The following SYNDIG1 variants were observed in gnomAD, a reference collection of about 807,000 sequenced individuals.
The protein encoded by SYNDIG1 is synapse differentiation inducing 1.
A neutral mutation model predicts 19.4 loss-of-function variants in SYNDIG1; 9 were observed. That is an observed-to-expected ratio of 0.46 (90% CI 0.28 to 0.81). The LOEUF (loss-of-function observed/expected upper bound fraction) is 0.81. Ranked by LOEUF, SYNDIG1 falls within the 30% of genes least tolerant of loss-of-function variation. The probability of loss-of-function intolerance (pLI) is 0.12; values close to 1 mark genes in which losing one functional copy is unlikely to be tolerated. For missense variants in SYNDIG1, 311 were observed against 343.3 expected (o/e 0.91, Z 0.74); for synonymous variants, 141 against 145.9 (o/e 0.97, Z 0.24).
chr20:24,474,156 C>A (rs1375325069), intron 1 of SYNDIG1, among the ~76,000 whole-genome samples: 2 of 152,188 alleles, frequency 1.3e-5, no homozygotes, highest in Non-Finnish European at 2.9e-5. Context: ...AAATTAGATT[C>A]ATATTATGTT....
Position 24,623,611 on chromosome 20 carries a change from C to T in SYNDIG1, c.618+38618C>T, listed in dbSNP as rs151165067. 1.7e-3 allele frequency among the ~76,000 whole-genome samples: 261 copies of T among 152,258 alleles called. 2 individuals are homozygous for T. The highest frequency in any genetic ancestry group is 6.1e-3 in the African/African-American group (254 of 41,534). ...CATGTGTTCAAGTGAAAAACGAAAACAGCATCCCAAGAAATGAGAAGGGCA... is the reference window on the plus strand; with the variant it reads ...CATGTGTTCAAGTGAAAAACGAAAATAGCATCCCAAGAAATGAGAAGGGCA... On this transcript the variant is annotated intron_variant, in intron 3 of 3. Coordinates refer to ENST00000376862, the MANE Select transcript of SYNDIG1 (RefSeq NM_024893.3).
chr20:24,593,629 G>A (rs1347448762), intron 3 of SYNDIG1, among the ~76,000 whole-genome samples: 1 of 152,140 alleles, frequency 6.6e-6, no homozygotes, highest in Non-Finnish European at 1.5e-5. Flanking sequence ...TTTCTAAAAT[G>A]GCTGAACTAA....
chr20:24,490,935 G>A (rs765929847), intron 1 of SYNDIG1, among the ~76,000 whole-genome samples: 1 of 152,202 alleles, frequency 6.6e-6, no homozygotes, highest in South Asian at 2.1e-4. Flanking sequence ...AGAAGGCCTG[G>A]GCCAACATTT....
intron 2 of SYNDIG1, among the ~76,000 whole-genome samples, chr20:24,554,658 T>C (rs1290324683): frequency 6.6e-6 from 1 of 152,134 alleles, no homozygotes; most frequent in Non-Finnish European, 1.5e-5. Flanking sequence ...TGAAGCCCAC[T>C]TGATCATGGT....
intron 2 of SYNDIG1, among the ~76,000 whole-genome samples, chr20:24,564,391 T>C (rs6076239): frequency 0.88 from 134,058 of 152,216 alleles, 59,409 homozygotes; most frequent in African/African-American, 0.97. Context: ...CTCTAGCAAA[T>C]GATTTCACAG....
At chr20:24,475,655 A>G (rs2055598616) in intron 1 of SYNDIG1, among the ~76,000 whole-genome samples, 1 of 152,198 alleles carries the variant, frequency 6.6e-6, no homozygotes, top group South Asian at 2.1e-4. Flanking sequence ...CTCCCATGGA[A>G]ACCCTGTATT....
At chr20:24,652,974 T>C (rs2147373817) in intron 3 of SYNDIG1, among the ~76,000 whole-genome samples, 1 of 152,286 alleles carries the variant, frequency 6.6e-6, no homozygotes, top group East Asian at 1.9e-4. Flanking sequence ...ATGGCACTTC[T>C]GGGATCACCT....
At chr20:24,495,674 C>G (rs898268256) in intron 1 of SYNDIG1, 2 of 152,200 alleles carry the variant, frequency 1.3e-5, no homozygotes, top group Non-Finnish European at 2.9e-5. Context: ...AGTCCTAGGG[C>G]TAGGACTTCA....
chr20:24,649,795 G>T (rs1316755779), intron 3 of SYNDIG1, among the ~76,000 whole-genome samples: 1 of 152,182 alleles, frequency 6.6e-6, no homozygotes, highest in African/African-American at 2.4e-5. Context: ...GGTCACCCAT[G>T]TCATCCCAGT....
rs1259019089 is a variant in SYNDIG1 at position 24,503,509 on chromosome 20, C to G, written c.-79+33756C>G. Reference sequence around the variant, plus strand: ...ATAGACCAGGGGCTCAGGAGAAGCTCGTCTACTTTTGCTCTGATACGGGAT... The same window carrying G: ...ATAGACCAGGGGCTCAGGAGAAGCTGGTCTACTTTTGCTCTGATACGGGAT... On this transcript the variant is annotated intron_variant, in intron 1 of 3. Coordinates refer to ENST00000376862, the MANE Select transcript of SYNDIG1 (RefSeq NM_024893.3). Among the ~76,000 whole-genome samples, 5 of 152,220 alleles carry G rather than the reference C, an allele frequency of 3.3e-5. No individual in the cohort carries two copies. The East Asian group carries it at 5.8e-4, about 18-fold the overall frequency.
chr20:24,497,656 C>T (rs2056337162), intron 1 of SYNDIG1, among the ~76,000 whole-genome samples: 1 of 152,196 alleles, frequency 6.6e-6, no homozygotes, highest in Non-Finnish European at 1.5e-5. Flanking sequence ...GGAAAAGGAG[C>T]ATTTCTTCAC....
Position 24,542,755 on chromosome 20 carries a change from A to AT in SYNDIG1, c.-78-265_-78-264insT, listed in dbSNP as rs1568625571. Among the ~76,000 whole-genome samples, 3 of 152,332 alleles carry AT rather than the reference A, an allele frequency of 2.0e-5. No individual in the cohort carries two copies. The East Asian group carries it at 5.8e-4, about 29-fold the overall frequency. ...CAATCAAAGGTTCCTCTAGGCTGCA[A>AT]GGGAGCCAATTCCTGCAGTCTCCTT... On this transcript the variant is annotated intron_variant, in intron 1 of 3. Coordinates refer to ENST00000376862, the MANE Select transcript of SYNDIG1 (RefSeq NM_024893.3).
At chr20:24,558,446 A>T (rs1415741642) in intron 2 of SYNDIG1, among the ~76,000 whole-genome samples, 1 of 152,172 alleles carries the variant, frequency 6.6e-6, no homozygotes, top group East Asian at 1.9e-4. Flanking sequence ...AATAGAAGGG[A>T]CATACCTGAA....
At chr20:24,582,020 T>C (rs73905117) in intron 2 of SYNDIG1, among the ~76,000 whole-genome samples, 749 of 69,836 alleles carry the variant, frequency 0.011, 10 homozygotes, top group African/African-American at 0.04. Context: ...ACCCCCTGCA[T>C]GTCCTCCCCC....
intron 3 of SYNDIG1, among the ~76,000 whole-genome samples, chr20:24,606,878 A>C (rs2058764213): frequency 6.6e-6 from 1 of 152,198 alleles, no homozygotes. Flanking sequence ...CGAGCAGAAG[A>C]AGCAGTGTTT....
intron 1 of SYNDIG1, among the ~76,000 whole-genome samples, chr20:24,504,193 C>T (rs1313096806): frequency 2.6e-5 from 4 of 152,048 alleles, no homozygotes; most frequent in African/African-American, 7.2e-5. Context: ...CTCCTGACCT[C>T]GTGATCCGCC....
chr20:24,662,615 C>A (rs917177240), intron 3 of SYNDIG1, among the ~76,000 whole-genome samples: 4 of 152,224 alleles, frequency 2.6e-5, no homozygotes, highest in African/African-American at 4.8e-5. Context: ...CCTTACAGTG[C>A]AGAAATAGTG....
rs546805836 is a variant in SYNDIG1, at chr20:24,497,022, T to C, written c.-79+27269T>C. ...GTAGTACTAATACCATTTGCTTAAT[T>C]TACTATTTCATTGCTAGCTCATATC... On this transcript the variant is annotated intron_variant, in intron 1 of 3. Transcript: ENST00000376862. 5.3e-5 allele frequency among the ~76,000 whole-genome samples: 8 copies of C among 152,348 alleles called. No homozygotes were observed. The South Asian group carries it at 1.7e-3, about 32-fold the overall frequency.
At chr20:24,626,155 G>A (rs1170273695) in intron 3 of SYNDIG1, among the ~76,000 whole-genome samples, 3 of 151,110 alleles carry the variant, frequency 2.0e-5, no homozygotes, top group African/African-American at 7.3e-5. Flanking sequence ...CGGGGCGGCT[G>A]GCCGGGCAGG....
Sources: allele counts gnomAD v4.1 joint callset (sites outside exome capture counted in the v4.1 genomes callset), GRCh38; gene constraint gnomAD v4.1.1; transcripts MANE v1.5; gene names NCBI Gene and HGNC (gene_info 2026-07-23, HGNC 2026-07-21).